Variants in NUCB1 observed in about 807,000 individuals in gnomAD.
NUCB1 encodes the protein nucleobindin-1.
In NUCB1, 47 loss-of-function variants were observed where a neutral mutation model predicts 61.2. That is an observed-to-expected ratio of 0.77 (90% CI 0.61 to 0.98). NUCB1 has a LOEUF of 0.98. NUCB1 is among the 50% of genes least tolerant of loss of function. The pLI is 0.00. For missense variants in NUCB1, 583 were observed against 605.3 expected, an observed-to-expected ratio of 0.96 and a Z score of 0.39; for synonymous variants, 234 against 243.1, an observed-to-expected ratio of 0.96 and a Z score of 0.35.
chr19:48,913,339 G>T, intron 6 of NUCB1, 135 bp from the exon 7 acceptor site: 1 of 1,197,234 alleles, frequency 8.4e-7, no homozygotes, highest in African/African-American at 1.5e-5. Context: ...CCCAGGGTCT[G>T]CTGGGAGTTG....
intron 4 of NUCB1, among the ~76,000 whole-genome samples, chr19:48,910,168 C>T (rs2037456113): frequency 1.3e-5 from 2 of 151,956 alleles, no homozygotes; most frequent in African/African-American, 4.8e-5. Context: ...CCTCCGCCTC[C>T]CAGGTTCCAG....
intron 2 of NUCB1, among the ~76,000 whole-genome samples, chr19:48,903,694 GTGGA>G (rs2037378865): frequency 1.0e-5 from 1 of 98,222 alleles, no homozygotes; most frequent in African/African-American, 5.1e-5. Context: ...GGATGGGTGG[GTGGA>G]TGGATGGATG....
At chr19:48,902,984 C>G (rs1302685635) in intron 2 of NUCB1, among the ~76,000 whole-genome samples, 1 of 150,986 alleles carries the variant, frequency 6.6e-6, no homozygotes, top group Non-Finnish European at 1.5e-5. Flanking sequence ...GTGCTGGTGC[C>G]CAGGCTGAAG....
chr19:48,910,896 AAAGTG>A (rs2037464066), intron 4 of NUCB1: 5 of 351,436 alleles, frequency 1.4e-5, no homozygotes, highest in Non-Finnish European at 2.2e-5. Context: ...TAATACAGTT[AAAGTG>A]CTTAGGGCAT....
At chr19:48,907,101 A>C (rs1460654938) in intron 4 of NUCB1, among the ~76,000 whole-genome samples, 1 of 151,240 alleles carries the variant, frequency 6.6e-6, no homozygotes, top group Admixed American at 6.6e-5. Flanking sequence ...CAGCCTCCCA[A>C]GTAGCTGGGA....
intron 2 of NUCB1, 39 bp downstream of exon 2, chr19:48,900,970 A>T: frequency 6.2e-7 from 1 of 1,612,908 alleles, no homozygotes; most frequent in Admixed American, 1.7e-5. Context: ...AGGTGTTTGC[A>T]GTGGTACTAC....
intron 7 of NUCB1, among the ~76,000 whole-genome samples, chr19:48,915,381 C>T (rs1302844178): frequency 6.6e-6 from 1 of 151,948 alleles, no homozygotes; most frequent in African/African-American, 2.4e-5. Flanking sequence ...ACCTATAGTC[C>T]CAGCTACTCA....
intron 6 of NUCB1, 55 bp from the exon 7 acceptor site, chr19:48,913,419 T>C (rs1397246471): frequency 6.7e-7 from 1 of 1,496,262 alleles, no homozygotes; most frequent in South Asian, 1.1e-5. Context: ...TATTTGGTTT[T>C]ATCCCATGGC....
chr19:48,905,154 T>G (rs1361501672), intron 3 of NUCB1, among the ~76,000 whole-genome samples: 1 of 152,194 alleles, frequency 6.6e-6, no homozygotes, highest in Non-Finnish European at 1.5e-5. Context: ...GTAAAGGGTT[T>G]GGAAGAGCAT....
intron 2 of NUCB1, 146 bp from the exon 3 acceptor site, chr19:48,904,201 C>A: frequency 1.7e-6 from 1 of 579,334 alleles, no homozygotes. Context: ...ATGTGATTTT[C>A]ATTTCATCTT....
At chr19:48,903,190 A>G (rs1041506552) in intron 2 of NUCB1, among the ~76,000 whole-genome samples, 6 of 152,082 alleles carry the variant, frequency 3.9e-5, no homozygotes, top group African/African-American at 9.7e-5. Flanking sequence ...GGCAGAGGAT[A>G]TATTGCCTAT....
intron 7 of NUCB1, among the ~76,000 whole-genome samples, chr19:48,915,430 G>A (rs766052169): frequency 3.3e-5 from 5 of 152,166 alleles, no homozygotes; most frequent in Admixed American, 1.3e-4. Flanking sequence ...CCCGGGAGGC[G>A]GAAGGCGGGG....
chr19:48,904,614 C>T (rs1016913387), intron 3 of NUCB1, among the ~76,000 whole-genome samples, 160 bp downstream of exon 3: 46 of 151,834 alleles, frequency 3.0e-4, no homozygotes, highest in African/African-American at 1.0e-3. Context: ...ACCTCCACCC[C>T]GCAGGTTCAA....
rs954808270 is a variant in NUCB1 at position 48,921,677 on chromosome 19, A to G, written c.1174-150A>G. On this transcript the variant is annotated intron_variant, in intron 11 of 12. Transcript: ENST00000405315. The stretch of plus-strand genomic sequence containing the variant: ...TGACTATTATTAAGCCCGACTGTCA[A>G]TGAAAGAGAGAAACTGAGGCCCACG... 5.2e-6 allele frequency: 4 copies of G among 766,304 alleles called. No homozygotes were observed. In the African/African-American group the frequency reaches 6.8e-5, roughly 13 times the overall value. 47.5% of individuals were successfully genotyped at this position (766,304 alleles called of 1,614,324 possible). A position where few individuals can be genotyped will look rare whatever the true frequency, so the allele number is the denominator to read the frequency against.
Position 48,919,246 on chromosome 19 carries a change from C to G in NUCB1, c.962C>G (p.Thr321Ser). 1 of 1,613,898 alleles carries G rather than the reference C, an allele frequency of 6.2e-7. No homozygotes were observed. Among genetic ancestry groups the G allele is most frequent in the Non-Finnish European group, 8.5e-7 (1 of 1,179,878 alleles). The change falls in exon 10 of 13, where the codon ACT becomes AGT. Residue 321 changes from threonine to serine, a missense_variant. Transcript: ENST00000405315. ...ACCCTGGAGGAGTTCCTCGCATCCA[C>G]TCAGAGGAAGGAGTTTGGGGACACC... Reference protein sequence around the residue: ...LVTLEEFLASTQRKEFGDTGE... With the variant: ...LVTLEEFLASSQRKEFGDTGE...
intron 5 of NUCB1, 28 bp downstream of exon 5, chr19:48,911,280 G>A: frequency 6.5e-7 from 1 of 1,528,240 alleles, no homozygotes; most frequent in Non-Finnish European, 9.1e-7. Flanking sequence ...GGAGGCAGAG[G>A]ATTGAGGGTA....
intron 7 of NUCB1, among the ~76,000 whole-genome samples, chr19:48,915,512 A>G (rs575420043): frequency 1.3e-5 from 2 of 152,128 alleles, no homozygotes; most frequent in Non-Finnish European, 2.9e-5. Flanking sequence ...CTCAAAAAGC[A>G]ATAGAAAGTA....
intron 10 of NUCB1, among the ~76,000 whole-genome samples, chr19:48,919,538 C>T (rs980545848): frequency 9.9e-5 from 15 of 151,472 alleles, no homozygotes; most frequent in Non-Finnish European, 1.6e-4. Flanking sequence ...AGTGCAGTGG[C>T]ACGATCTCGG....
chr19:48,919,716 T>C (rs948823096), intron 10 of NUCB1, among the ~76,000 whole-genome samples: 7 of 150,856 alleles, frequency 4.6e-5, no homozygotes, highest in African/African-American at 1.7e-4. Flanking sequence ...GACCTCAGGT[T>C]ATCCACCCAC....
Sources: gnomAD v4.1 joint callset for allele counts (sites outside exome capture counted in the v4.1 genomes callset) on GRCh38, gnomAD v4.1.1 for gene constraint, MANE v1.5 for transcripts, NCBI Gene and HGNC (gene_info 2026-07-23, HGNC 2026-07-21) for gene names.